SLIT3: variants seen among roughly 807,000 people sequenced by gnomAD.
SLIT3 encodes the protein slit guidance ligand 3.
A neutral mutation model predicts 184.0 loss-of-function variants in SLIT3; 68 were observed. The observed-to-expected ratio is 0.37, with a 90% CI of 0.30 to 0.45. The LOEUF (loss-of-function observed/expected upper bound fraction) is 0.45, where lower values mean the gene tolerates loss of function less well. Among genes scored for constraint, SLIT3 ranks in the 20% least tolerant of loss-of-function variants. The probability of loss-of-function intolerance (pLI) is 1.00; values close to 1 mark genes in which losing one functional copy is unlikely to be tolerated. For missense variants in SLIT3, 1,707 were observed against 2,026.0 expected (o/e 0.84, Z 3.02); for synonymous variants, 831 against 828.6 (o/e 1.00, Z -0.05).
intron 4 of SLIT3, among the ~76,000 whole-genome samples, chr5:168,933,013 A>G (rs1434051861): frequency 6.6e-6 from 1 of 152,192 alleles, no homozygotes; most frequent in Non-Finnish European, 1.5e-5. Context: ...GGGAAAGAGA[A>G]AGCATTGCCA....
chr5:168,903,571 A>C (rs1760940946), intron 4 of SLIT3, among the ~76,000 whole-genome samples: 1 of 152,154 alleles, frequency 6.6e-6, no homozygotes, highest in Non-Finnish European at 1.5e-5. Flanking sequence ...GGGCAAAAAG[A>C]GGACACCTGT....
chr5:168,754,133 G>T, intron 16 of SLIT3, 126 bp from the exon 17 acceptor site: 1 of 935,134 alleles, frequency 1.1e-6, no homozygotes, highest in Non-Finnish European at 1.6e-6. Context: ...ACTGGATGGT[G>T]GAAGGAGCTC....
chr5:168,696,540 C>T, intron 27 of SLIT3, 109 bp from the exon 28 acceptor site: 1 of 1,325,982 alleles, frequency 7.5e-7, no homozygotes, highest in Admixed American at 1.9e-5. Context: ...GTTTTTCCTC[C>T]AGATGGAGGT....
At chr5:168,691,177 C>G (rs1038306127) in intron 29 of SLIT3, among the ~76,000 whole-genome samples, 3 of 152,208 alleles carry the variant, frequency 2.0e-5, no homozygotes, top group Admixed American at 2.0e-4. Context: ...TGAATCAAAA[C>G]CATCTTCCAA....
intron 2 of SLIT3, among the ~76,000 whole-genome samples, chr5:169,247,554 G>C (rs1316247641): frequency 6.6e-6 from 1 of 152,168 alleles, no homozygotes; most frequent in Non-Finnish European, 1.5e-5. Flanking sequence ...AACACTTCAA[G>C]CTTCTTTCAG....
chr5:168,798,382 C>A (rs758201079), intron 9 of SLIT3, among the ~76,000 whole-genome samples: 1 of 151,984 alleles, frequency 6.6e-6, no homozygotes, highest in Admixed American at 6.5e-5. Flanking sequence ...TATTACCATG[C>A]CTGGCTAATT....
chr5:169,082,073 C>T (rs1242060724), intron 4 of SLIT3, among the ~76,000 whole-genome samples: 1 of 152,204 alleles, frequency 6.6e-6, no homozygotes, highest in Non-Finnish European at 1.5e-5. Context: ...ATTATTAGCA[C>T]ATTCTGCAGA....
intron 4 of SLIT3, among the ~76,000 whole-genome samples, chr5:169,140,567 G>T (rs935702140): frequency 8.7e-5 from 13 of 150,160 alleles, no homozygotes; most frequent in Non-Finnish European, 1.8e-4. Flanking sequence ...AACTTTGGGA[G>T]CCTGAGGCAG....
At chr5:169,112,086 GC>G (rs1466083286) in intron 4 of SLIT3, among the ~76,000 whole-genome samples, 2 of 152,246 alleles carry the variant, frequency 1.3e-5, no homozygotes, top group Non-Finnish European at 2.9e-5. Flanking sequence ...TCTGGTGACT[GC>G]TGATGGGGAA....
chr5:169,076,721 G>C (rs975012343), intron 4 of SLIT3, among the ~76,000 whole-genome samples: 1 of 152,120 alleles, frequency 6.6e-6, no homozygotes, highest in South Asian at 2.1e-4. Flanking sequence ...ACTGGTTGTA[G>C]GATGTGGGTG....
intron 1 of SLIT3, among the ~76,000 whole-genome samples, chr5:169,276,501 G>T (rs555928912): frequency 6.6e-6 from 1 of 152,284 alleles, no homozygotes; most frequent in Non-Finnish European, 1.5e-5. Flanking sequence ...TTGGAACAAA[G>T]AGGATATTTC....
chr5:168,724,255 C>G, intron 21 of SLIT3, among the ~76,000 whole-genome samples, 161 bp downstream of exon 21: 1 of 152,208 alleles, frequency 6.6e-6, no homozygotes, highest in East Asian at 1.9e-4. Flanking sequence ...AGATCTCCCA[C>G]TTTCCCTTTG....
At chr5:169,012,242 T>G (rs1294237643) in intron 4 of SLIT3, 1 of 152,214 alleles carries the variant, frequency 6.6e-6, no homozygotes, top group Admixed American at 6.5e-5. Flanking sequence ...TGTATTTCCT[T>G]CCAGTGTCTC....
chr5:169,254,488 T>A (rs1002778380), intron 1 of SLIT3, among the ~76,000 whole-genome samples: 5 of 152,080 alleles, frequency 3.3e-5, no homozygotes, highest in African/African-American at 1.2e-4. Flanking sequence ...TTCTTTCTTT[T>A]TTTTTTTTAA....
At chr5:169,064,886 G>T (rs1026815283) in intron 4 of SLIT3, among the ~76,000 whole-genome samples, 1 of 152,176 alleles carries the variant, frequency 6.6e-6, no homozygotes, top group African/African-American at 2.4e-5. Context: ...TAATGAAACG[G>T]AAATAAGAGC....
intron 4 of SLIT3, among the ~76,000 whole-genome samples, chr5:169,148,730 T>A (rs931871363): frequency 2.6e-5 from 4 of 152,254 alleles, no homozygotes; most frequent in Non-Finnish European, 5.9e-5. Flanking sequence ...GTATAAAATG[T>A]ATATTCCTTA....
At chr5:168,907,973 T>TAGAGAGAGAG (rs1360826933) in intron 4 of SLIT3, among the ~76,000 whole-genome samples, 41 of 66,780 alleles carry the variant, frequency 6.1e-4, no homozygotes, top group African/African-American at 1.3e-3. Context: ...TATATATATA[T>TAGAGAGAGAG]ATATATAGAG....
At chr5:168,761,920 AATT>A in intron 15 of SLIT3, among the ~76,000 whole-genome samples, 2 of 115,608 alleles carry the variant, frequency 1.7e-5, no homozygotes, top group African/African-American at 6.5e-5. Flanking sequence ...AAAAAAAAAA[AATT>A]TTTTTTTTTT....
At chr5:168,791,004 G>C (rs752587090) in intron 10 of SLIT3, 4 of 152,170 alleles carry the variant, frequency 2.6e-5, no homozygotes, top group Non-Finnish European at 5.9e-5. Context: ...AATCACCTCC[G>C]ACAAATCCGC....
Sources: allele counts gnomAD v4.1 joint callset (sites outside exome capture counted in the v4.1 genomes callset), GRCh38; gene constraint gnomAD v4.1.1; transcripts MANE v1.5; gene names NCBI Gene and HGNC (gene_info 2026-07-23, HGNC 2026-07-21).